ADORA1: variants seen among roughly 807,000 people sequenced by gnomAD.
ADORA1 encodes the protein adenosine A1 receptor.
ADORA1 carries 6 observed loss-of-function variants against 19.9 expected under a neutral mutation model. That is an observed-to-expected ratio of 0.30 (90% CI 0.17 to 0.59). The LOEUF is 0.59. ADORA1 is among the 20% of genes least tolerant of loss of function. The pLI, the probability that ADORA1 is intolerant of heterozygous loss-of-function variation, is 0.87. For synonymous variants in ADORA1, 194 were observed against 188.4 expected (o/e 1.03, Z -0.24); for missense variants, 302 against 439.2 (o/e 0.69, Z 2.79).
chr1:203,128,721 G>A lies in ADORA1; in HGVS notation c.-57-64G>A, dbSNP rs1397163371. The A allele has an allele frequency of 2.7e-6, 4 of 1,492,384 alleles. No individual in the cohort carries two copies. Among genetic ancestry groups the A allele is most frequent in the Middle Eastern group, 2.5e-4 (1 of 3,980 alleles). The allele number at this position is 1,492,384 out of a possible 1,614,324, so 92.4% of individuals were successfully genotyped here. A position where few individuals can be genotyped will look rare whatever the true frequency, so the allele number is the denominator to read the frequency against. The stretch of plus-strand genomic sequence containing the variant: ...ATCACAGGGTACCTGGAGTTCCAGG[G>A]CAGCCTGAGCTCCCTGCCCCTCCCA... On this transcript the variant is annotated intron_variant, in intron 2 of 3. Transcript: ENST00000337894. This position sits in a 1 kb window ranked among gnomAD's most constrained non-coding sequence, Gnocchi z 5.9.
chr1:203,144,431 G>T (rs1233657571), intron 3 of ADORA1, among the ~76,000 whole-genome samples: 1 of 152,190 alleles, frequency 6.6e-6, no homozygotes, highest in Non-Finnish European at 1.5e-5. Context: ...AATACTTTAT[G>T]TGGATTATCT....
intron 3 of ADORA1, among the ~76,000 whole-genome samples, chr1:203,138,160 G>A (rs1654570098): frequency 6.6e-6 from 1 of 152,190 alleles, no homozygotes. Flanking sequence ...AAGCAACTGG[G>A]AGGATGCAGT....
At chr1:203,131,765 C>T (rs186324319) in intron 3 of ADORA1, among the ~76,000 whole-genome samples, 16 of 152,344 alleles carry the variant, frequency 1.1e-4, no homozygotes, top group Non-Finnish European at 2.1e-4. Flanking sequence ...TGGCACTGCC[C>T]AGGTCCCTTC....
intron 3 of ADORA1, among the ~76,000 whole-genome samples, chr1:203,139,232 A>G (rs1482122443): frequency 6.6e-6 from 1 of 152,212 alleles, no homozygotes; most frequent in African/African-American, 2.4e-5. Context: ...TTCTAAAGTG[A>G]TGTCCTGGTT....
intron 3 of ADORA1, chr1:203,150,583 G>A: frequency 7.8e-7 from 1 of 1,276,506 alleles, no homozygotes; most frequent in Non-Finnish European, 1.0e-6. Context: ...TGGTTGCAAG[G>A]TGGGGAGAAA....
In ADORA1 at chr1:203,166,217, C is replaced by G; in HGVS notation, c.*317C>G. ...TCCAGAGCTTCAGGGCTGGGCAGGT[C>G]CTGGGGAGGCTGAGACTGCAGAGGA... On this transcript the variant is annotated 3_prime_UTR_variant, in exon 4 of 4. Transcript: ENST00000337894. 3.9e-6 allele frequency: 1 copy of G among 258,414 alleles called. No individual in the cohort carries two copies. Among genetic ancestry groups the G allele is most frequent in the Non-Finnish European group, 7.3e-6 (1 of 137,360 alleles). 16.0% of individuals were successfully genotyped at this position (258,414 alleles called of 1,614,324 possible). A position where few individuals can be genotyped will look rare whatever the true frequency, so the allele number is the denominator to read the frequency against.
At chr1:203,156,935 T>C (rs1044339287) in intron 3 of ADORA1, among the ~76,000 whole-genome samples, 1 of 152,258 alleles carries the variant, frequency 6.6e-6, no homozygotes, top group Non-Finnish European at 1.5e-5. Flanking sequence ...CAGAGCCTCA[T>C]GACCTAATTA....
At chr1:203,164,400 G>T (rs1466801038) in intron 3 of ADORA1, among the ~76,000 whole-genome samples, 2 of 152,228 alleles carry the variant, frequency 1.3e-5, no homozygotes, top group Non-Finnish European at 2.9e-5. Context: ...CTCGACAAAT[G>T]CTTGCTGAAT....
chr1:203,161,359 C>G (rs1008389333), intron 3 of ADORA1, among the ~76,000 whole-genome samples: 1 of 152,166 alleles, frequency 6.6e-6, no homozygotes, highest in African/African-American at 2.4e-5. Context: ...AATTCCAGAA[C>G]TTCAGGAGGT....
chr1:203,163,267 C>A (rs901661120), intron 3 of ADORA1, among the ~76,000 whole-genome samples: 1 of 152,166 alleles, frequency 6.6e-6, no homozygotes, highest in Non-Finnish European at 1.5e-5. Flanking sequence ...TACTTGCACA[C>A]GTAGTATCTC....
In ADORA1 at chr1:203,128,617, G is replaced by A. The variant is rs1379635354; in HGVS notation, c.-57-168G>A. Among the ~76,000 whole-genome samples the A allele has an allele frequency of 1.3e-5, 2 of 152,224 alleles. No homozygotes were observed. Among genetic ancestry groups the A allele is most frequent in the East Asian group, 3.9e-4 (2 of 5,194 alleles). ...ATGGAACCTCTGGGAATGATAAAGG[G>A]AAGGGACAAAGATTAGGCAGAGAAG... On this transcript the variant is annotated intron_variant, in intron 2 of 3. Coordinates refer to ENST00000337894, the MANE Select transcript of ADORA1 (RefSeq NM_000674.3). This position sits in a 1 kb window ranked among gnomAD's most constrained non-coding sequence, Gnocchi z 5.9.
chr1:203,166,492 T>TCTGG lies in ADORA1; in HGVS notation c.*592_*593insCTGG, dbSNP rs1182716433. 1 of 152,408 alleles carries TCTGG rather than the reference T, an allele frequency of 6.6e-6. No individual in the cohort carries two copies. The highest frequency in any genetic ancestry group is 2.4e-5 in the African/African-American group (1 of 41,438). The allele number at this position is 152,408 out of a possible 1,614,324, so 9.4% of individuals were successfully genotyped here. On this transcript the variant is annotated 3_prime_UTR_variant, in exon 4 of 4. Coordinates refer to ENST00000337894, the MANE Select transcript of ADORA1 (RefSeq NM_000674.3). ...TCTGAGGACTCTGGACCCCAGGCCATACCAGGTGCTAGGGTGCCTGCTCTC... is the reference window on the plus strand; with the variant it reads ...TCTGAGGACTCTGGACCCCAGGCCATCTGGACCAGGTGCTAGGGTGCCTGCTCTC...
chr1:203,150,554 G>C, intron 3 of ADORA1: 2 of 1,233,298 alleles, frequency 1.6e-6, no homozygotes, highest in Non-Finnish European at 2.1e-6. Context: ...CTGTTATTTG[G>C]GCTCTACACC....
intron 3 of ADORA1, among the ~76,000 whole-genome samples, chr1:203,142,175 C>T (rs1234330308): frequency 6.6e-6 from 1 of 152,154 alleles, no homozygotes; most frequent in South Asian, 2.1e-4. Context: ...GTAGGCACTC[C>T]ATAAGTGGGG....
At chr1:203,146,222 A>G (rs564234487) in intron 3 of ADORA1, among the ~76,000 whole-genome samples, 2 of 152,220 alleles carry the variant, frequency 1.3e-5, no homozygotes, top group South Asian at 4.2e-4. Flanking sequence ...GCACTGCGTG[A>G]CTTCTTTGGT....
Position 203,167,135 on chromosome 1 carries a change from CCT to C in ADORA1, c.*1236_*1237del, listed in dbSNP as rs1248526304. ...CCCATGCCCTGCCAAGCCTGGAGCC[CCT>C]GTGTTGGGGGGCAAGGTGGGGGAGC... On this transcript the variant is annotated 3_prime_UTR_variant, in exon 4 of 4. Transcript: ENST00000337894. 6.6e-6 allele frequency: 1 copy of C among 152,640 alleles called. No homozygotes were observed. Among genetic ancestry groups the C allele is most frequent in the African/African-American group, 2.4e-5 (1 of 41,178 alleles). 9.5% of individuals were successfully genotyped at this position (152,640 alleles called of 1,614,324 possible).
At chr1:203,156,266 T>C (rs2102760583) in intron 3 of ADORA1, among the ~76,000 whole-genome samples, 1 of 151,542 alleles carries the variant, frequency 6.6e-6, no homozygotes, top group African/African-American at 2.4e-5. Flanking sequence ...AGGGAGAGAG[T>C]CAGGAAATGC....
intron 3 of ADORA1, chr1:203,152,405 A>G (rs1306284834): frequency 6.6e-6 from 1 of 152,252 alleles, no homozygotes; most frequent in African/African-American, 2.4e-5. Context: ...CAGTCTGCAA[A>G]GACCAGAGAG....
chr1:203,133,490 C>G (rs1654408830), intron 3 of ADORA1, among the ~76,000 whole-genome samples: 1 of 152,210 alleles, frequency 6.6e-6, no homozygotes, highest in South Asian at 2.1e-4. Context: ...AACAGCTTGT[C>G]AGGGGCAGAA....
Sources: gnomAD v4.1 joint callset for allele counts (sites outside exome capture counted in the v4.1 genomes callset) on GRCh38, gnomAD v4.1.1 for gene constraint, Gnocchi (gnomAD v3.1) non-coding constraint, MANE v1.5 for transcripts, NCBI Gene and HGNC (gene_info 2026-07-23, HGNC 2026-07-21) for gene names.